Variants in COL6A3 observed in about 807,000 individuals in gnomAD.
The protein encoded by COL6A3 is collagen alpha-3(VI) chain.
A neutral mutation model predicts 274.1 loss-of-function variants in COL6A3; 137 were observed. The ratio of observed to expected loss-of-function variants is 0.50; its 90% confidence interval spans 0.44 to 0.58. The LOEUF (loss-of-function observed/expected upper bound fraction) is 0.58, where lower values mean the gene tolerates loss of function less well. Ranked by LOEUF, COL6A3 falls within the 20% of genes least tolerant of loss-of-function variation. The probability of loss-of-function intolerance (pLI) is 0.00; values close to 1 mark genes in which losing one functional copy is unlikely to be tolerated. For synonymous variants in COL6A3, 1,650 were observed against 1,650.6 expected (o/e 1.00, Z 0.01); for missense variants, 3,950 against 4,124.9 (o/e 0.96, Z 1.16).
chr2:237,367,441 G>C (rs894044337), intron 10 of COL6A3, among the ~76,000 whole-genome samples, 155 bp from the exon 11 acceptor site: 2 of 152,194 alleles, frequency 1.3e-5, no homozygotes, highest in South Asian at 4.1e-4. Context: ...TTAGCCTGTA[G>C]TTCCTGAATT....
chr2:237,371,591 C>T lies in COL6A3; in HGVS notation c.4285+141G>A. Reference sequence around the variant, plus strand: ...CCAGCCTGGACGACAGAGCCAGACCCTGTCTCAAAATAAAAACCATAAAGG... The same window carrying T: ...CCAGCCTGGACGACAGAGCCAGACCTTGTCTCAAAATAAAAACCATAAAGG... On this transcript the variant is annotated intron_variant, in intron 9 of 43. Coordinates refer to ENST00000295550, the MANE Select transcript of COL6A3 (RefSeq NM_004369.4). The surrounding 1 kb of genome is among the most constrained non-coding windows in gnomAD (Gnocchi z 4.3). 10 of 1,486,092 alleles carry T rather than the reference C, an allele frequency of 6.7e-6. No individual in the cohort carries two copies. Among genetic ancestry groups the T allele is most frequent in the Non-Finnish European group, 8.9e-6 (10 of 1,125,830 alleles). 92.1% of individuals were successfully genotyped at this position (1,486,092 alleles called of 1,614,324 possible).
At chr2:237,401,580 T>C (rs938382188) in intron 1 of COL6A3, among the ~76,000 whole-genome samples, 1 of 152,126 alleles carries the variant, frequency 6.6e-6, no homozygotes, top group Non-Finnish European at 1.5e-5. Flanking sequence ...TATGGCAAAA[T>C]GCCTGTCTGT....
At chr2:237,406,906 CCTTTT>C (rs2078733793) in intron 1 of COL6A3, among the ~76,000 whole-genome samples, 1 of 143,094 alleles carries the variant, frequency 7.0e-6, no homozygotes, top group South Asian at 2.2e-4. Flanking sequence ...TTCTTTTTTC[CCTTTT>C]TTTTTTTTTT....
chr2:237,341,571 A>G (rs988600503), intron 37 of COL6A3, among the ~76,000 whole-genome samples: 1 of 136,976 alleles, frequency 7.3e-6, no homozygotes, highest in Non-Finnish European at 1.6e-5. Flanking sequence ...AAAAAAAAAA[A>G]CATCACAACC....
Position 237,367,106 on chromosome 2 carries a change from T to C in COL6A3, c.5081A>G (p.Lys1694Arg). 1 of 1,614,212 alleles carries C rather than the reference T, an allele frequency of 6.2e-7. No individual in the cohort carries two copies. Among genetic ancestry groups the C allele is most frequent in the South Asian group, 1.1e-5 (1 of 91,078 alleles). Residue 1694 changes from lysine to arginine, a missense_variant, in exon 11 of 44, where the codon AAG (lysine) becomes AGG (arginine). This residue lies in a region of COL6A3 where 632 missense variants were observed against 623.4 expected (regional missense o/e 1.01). Coordinates refer to ENST00000295550, the MANE Select transcript of COL6A3 (RefSeq NM_004369.4). ...NSDPTDEFFLKDFSTKRQIID... is the reference protein window; with the variant it reads ...NSDPTDEFFLRDFSTKRQIID... ...AATCTGCCTCTTGGTAGAGAAGTCC[T>C]TCAGGAAGAATTCGTCAGTGGGGTC... is the stretch of plus-strand genomic sequence containing the variant.
intron 18 of COL6A3, 39 bp from the exon 19 acceptor site, chr2:237,359,289 T>C (rs746976470): frequency 6.2e-7 from 1 of 1,614,142 alleles, no homozygotes; most frequent in South Asian, 1.1e-5. Context: ...TATAGAAAGC[T>C]ATTCTGGCAA....
At chr2:237,362,612 G>A (rs2077462099) in intron 14 of COL6A3, among the ~76,000 whole-genome samples, 1 of 152,152 alleles carries the variant, frequency 6.6e-6, no homozygotes, top group Non-Finnish European at 1.5e-5. Flanking sequence ...TGGAAGAAAG[G>A]AAGGTCCATT....
intron 37 of COL6A3, among the ~76,000 whole-genome samples, 178 bp from the exon 38 acceptor site, chr2:237,341,328 G>A (rs953362173): frequency 2.0e-4 from 30 of 152,140 alleles, no homozygotes; most frequent in African/African-American, 4.3e-4. Flanking sequence ...GGTGGATCAC[G>A]AGGTCAAGAG....
chr2:237,387,738 T>TG lies in COL6A3; in HGVS notation c.1155dup (p.Arg386GlnfsTer11). 3.1e-6 allele frequency: 5 copies of TG among 1,614,044 alleles called. No individual in the cohort carries two copies. The highest frequency in any genetic ancestry group is 4.2e-6 in the Non-Finnish European group (5 of 1,179,962). ...GTAGCTATGTGCTGAAGCTCTGCCC[T>TG]GGAGGCGGCCTGGGCTCCAAGGCCG... is the stretch of plus-strand genomic sequence containing the variant. On this transcript the variant is annotated frameshift_variant, in exon 4 of 44. Coordinates refer to ENST00000295550, the MANE Select transcript of COL6A3 (RefSeq NM_004369.4). LOFTEE classifies it high-confidence loss of function.
intron 23 of COL6A3, 95 bp from the exon 24 acceptor site, chr2:237,355,029 G>C: frequency 8.7e-7 from 1 of 1,155,832 alleles, no homozygotes; most frequent in Non-Finnish European, 1.3e-6. Flanking sequence ...CTTATTCTGC[G>C]GTTACTCAGG....
intron 30 of COL6A3, 65 bp from the exon 31 acceptor site, chr2:237,347,934 G>A: frequency 2.1e-6 from 3 of 1,458,124 alleles, no homozygotes; most frequent in Non-Finnish European, 2.8e-6. Flanking sequence ...GAGGGTCCGT[G>A]GGGTAAGACA....
At chr2:237,347,774 C>T in intron 31 of COL6A3, 33 bp downstream of exon 31, 1 of 1,594,282 alleles carries the variant, frequency 6.3e-7, no homozygotes, top group Non-Finnish European at 8.6e-7. Flanking sequence ...CGTTCTCATT[C>T]CTCACCTGCA....
At chr2:237,350,607 A>G (rs1363586178) in intron 27 of COL6A3, among the ~76,000 whole-genome samples, 1 of 152,160 alleles carries the variant, frequency 6.6e-6, no homozygotes, top group Non-Finnish European at 1.5e-5. Flanking sequence ...ACAAATTGTA[A>G]TTTATCTCAA....
Position 237,374,358 on chromosome 2 carries a change from C to G in COL6A3, c.3679+54G>C, listed in dbSNP as rs1217485046. 9 of 1,602,606 alleles carry G rather than the reference C, an allele frequency of 5.6e-6. No individual in the cohort carries two copies. Among genetic ancestry groups the G allele is most frequent in the Non-Finnish European group, 6.8e-6 (8 of 1,179,184 alleles). Reference sequence around the variant, plus strand: ...AACACCTTGTGGCCCACAGTCCAGACAAGTAGCCCCAGACAATGACACTGA... The same window carrying G: ...AACACCTTGTGGCCCACAGTCCAGAGAAGTAGCCCCAGACAATGACACTGA... On this transcript the variant is annotated intron_variant, in intron 8 of 43. Transcript: ENST00000295550. The surrounding 1 kb of genome is among the most constrained non-coding windows in gnomAD (Gnocchi z 4.8).
chr2:237,324,538 C>T lies in COL6A3; in HGVS notation c.*236G>A. 1.9e-6 allele frequency: 1 copy of T among 532,348 alleles called. No homozygotes were observed. Among genetic ancestry groups the T allele is most frequent in the Non-Finnish European group, 3.4e-6 (1 of 293,706 alleles). The allele number at this position is 532,348 out of a possible 1,614,324, so 33.0% of individuals were successfully genotyped here. A position where few individuals can be genotyped will look rare whatever the true frequency, so the allele number is the denominator to read the frequency against. On this transcript the variant is annotated 3_prime_UTR_variant, in exon 44 of 44. Coordinates refer to ENST00000295550, the MANE Select transcript of COL6A3 (RefSeq NM_004369.4). ...AAACACCAGCAGTGGCTAACTGTTA[C>T]ACAACATTCAAAGTATTCGAGAGAA...
In COL6A3 at chr2:237,334,871, A is replaced by G; in HGVS notation, c.8984T>C (p.Val2995Ala). Residue 2995 changes from valine to alanine, a missense_variant, in exon 41 of 44, where the codon GTC (valine) becomes GCC (alanine). By Grantham distance (64) the Val-to-Ala change is moderately conservative. Around this residue, in one of 5 missense-constraint regions of COL6A3, gnomAD observed 1,284 missense variants for 1,349.7 expected, o/e 0.95. Transcript: ENST00000295550. ...TKPMVKMSREVQVFEITENSA... is the reference protein window; with the variant it reads ...TKPMVKMSREAQVFEITENSA... Reference sequence around the variant, plus strand: ...GTTCTCTGTTATCTCAAACACCTGGACTTCACGGGACATCTTAACTGAAAG... The same window carrying G: ...GTTCTCTGTTATCTCAAACACCTGGGCTTCACGGGACATCTTAACTGAAAG... 6.2e-7 allele frequency: 1 copy of G among 1,614,172 alleles called. No homozygotes were observed. The highest frequency in any genetic ancestry group is 8.5e-7 in the Non-Finnish European group (1 of 1,180,030).
Position 237,351,164 on chromosome 2 carries a change from C to G in COL6A3, c.6782G>C (p.Gly2261Ala). 1.9e-6 allele frequency: 3 copies of G among 1,614,232 alleles called. No homozygotes were observed. Among genetic ancestry groups the G allele is most frequent in the Non-Finnish European group, 2.5e-6 (3 of 1,180,050 alleles). The change falls in exon 27 of 44, where the codon GGA becomes GCA. Residue 2261 changes from glycine to alanine, a missense_variant. Around this residue, in one of 5 missense-constraint regions of COL6A3, gnomAD observed 1,284 missense variants for 1,349.7 expected, o/e 0.95. Transcript: ENST00000295550. The part of the protein sequence containing the change: ...RGSGGAAGAP[G>A]ERGRTGPLGR... ...CAGTGGACCGGTTCTGCCTCGTTCT[C>G]CAGGAGCACCAGCGGCACCTCCGCT...
chr2:237,337,932 T>C (rs1303310315), intron 39 of COL6A3, among the ~76,000 whole-genome samples: 1 of 152,100 alleles, frequency 6.6e-6, no homozygotes, highest in Non-Finnish European at 1.5e-5. Context: ...ATTACCATCA[T>C]TACATGTTAT....
Position 237,364,364 on chromosome 2 carries a change from T to G in COL6A3, c.5903A>C (p.Asn1968Thr). Residue 1968 changes from asparagine to threonine, a missense_variant, in exon 13 of 44, where the codon AAC (asparagine) becomes ACC (threonine). Physicochemically the swap from Asn to Thr is moderately conservative, Grantham distance 65. Coordinates refer to ENST00000295550, the MANE Select transcript of COL6A3 (RefSeq NM_004369.4). This position sits in a 1 kb window ranked among gnomAD's most constrained non-coding sequence, Gnocchi z 4.6. The stretch of plus-strand genomic sequence containing the variant: ...TTGGCACCTACCTTCTTGGCGGAGG[T>G]TCTCAGATGCTCTGTGTAAATCAGC... Reference protein sequence around the residue: ...DLADLHRASENLRQEGVRALI... With the variant: ...DLADLHRASETLRQEGVRALI... The G allele has an allele frequency of 6.2e-7, 1 of 1,613,984 alleles. No homozygotes were observed. The highest frequency in any genetic ancestry group is 8.5e-7 in the Non-Finnish European group (1 of 1,179,904).
Sources: allele counts gnomAD v4.1 joint callset (sites outside exome capture counted in the v4.1 genomes callset), GRCh38; gene constraint gnomAD v4.1.1; regional missense constraint gnomAD v4.1.1; non-coding constraint Gnocchi (gnomAD v3.1); transcripts MANE v1.5; gene names NCBI Gene and HGNC (gene_info 2026-07-23, HGNC 2026-07-21).